CEP192: variants seen among roughly 807,000 people sequenced by gnomAD.
CEP192 encodes the protein centrosomal protein 192, also known as centrosomal protein of 192 kDa.
Under a neutral mutation model 271.8 loss-of-function variants are expected in CEP192, and 151 were observed. That is an observed-to-expected ratio of 0.56 (90% CI 0.49 to 0.64). CEP192 has a LOEUF of 0.64. Among genes scored for constraint, CEP192 ranks in the 30% least tolerant of loss-of-function variants. The pLI is 0.00. For synonymous variants in CEP192, 995 were observed against 1,076.5 expected (o/e 0.92, Z 1.48); for missense variants, 2,910 against 3,020.5 (o/e 0.96, Z 0.86).
chr18:13,115,433 G>C (rs1225552321), intron 42 of CEP192, among the ~76,000 whole-genome samples: 3 of 152,172 alleles, frequency 2.0e-5, no homozygotes, highest in Non-Finnish European at 1.5e-5. Context: ...AAAGGGGAGT[G>C]GTGGGGGGCA....
chr18:13,043,142 A>G (rs1470700056), intron 15 of CEP192, among the ~76,000 whole-genome samples: 1 of 152,236 alleles, frequency 6.6e-6, no homozygotes. Flanking sequence ...GATTACTAAT[A>G]AAGCTGGTTC....
At chr18:13,016,264 G>A (rs924087402) in intron 6 of CEP192, among the ~76,000 whole-genome samples, 1 of 152,152 alleles carries the variant, frequency 6.6e-6, no homozygotes, top group Non-Finnish European at 1.5e-5. Context: ...GGAGGAGGAG[G>A]AGGACATGTC....
intron 30 of CEP192, among the ~76,000 whole-genome samples, chr18:13,079,485 TTTG>T (rs1379348990): frequency 1.3e-5 from 2 of 152,168 alleles, no homozygotes; most frequent in African/African-American, 4.8e-5. Flanking sequence ...GATGGGGTTG[TTTG>T]TTTTTTTCTT....
At chr18:13,104,509 G>A (rs143295858) in intron 39 of CEP192, among the ~76,000 whole-genome samples, 1 of 152,276 alleles carries the variant, frequency 6.6e-6, no homozygotes, top group East Asian at 1.9e-4. Context: ...CTACTTGGGA[G>A]GCTGAGGTGG....
chr18:13,109,741 G>A (rs566100683), intron 40 of CEP192, among the ~76,000 whole-genome samples: 21 of 150,300 alleles, frequency 1.4e-4, no homozygotes, highest in Admixed American at 1.1e-3. Context: ...AATGAGAGAA[G>A]ATTAACATCT....
At chr18:13,105,203 G>T (rs1255042606) in intron 40 of CEP192, 124 bp downstream of exon 40, 2 of 708,094 alleles carry the variant, frequency 2.8e-6, no homozygotes, top group Non-Finnish European at 2.5e-6. Context: ...GTCTGCACAC[G>T]AGAGAAGAGT....
rs142611608 is a variant in CEP192, at chr18:13,115,172, A to G, written c.7289+921A>G. ...CTTGGCACACTCCCTCCAGGCTGTTATCCCTTGCTTCTCTCTTGCTCTCTG... is the reference window on the plus strand; with the variant it reads ...CTTGGCACACTCCCTCCAGGCTGTTGTCCCTTGCTTCTCTCTTGCTCTCTG... On this transcript the variant is annotated intron_variant, in intron 42 of 44. Coordinates refer to ENST00000506447, the MANE Select transcript of CEP192 (RefSeq NM_032142.4). Among the ~76,000 whole-genome samples, 1,117 of 152,298 alleles carry G rather than the reference A, an allele frequency of 7.3e-3. 12 individuals are homozygous for G. The highest frequency in any genetic ancestry group is 0.026 in the African/African-American group (1,072 of 41,562).
intron 30 of CEP192, among the ~76,000 whole-genome samples, chr18:13,084,352 G>C (rs1488818275): frequency 6.6e-6 from 1 of 152,116 alleles, no homozygotes; most frequent in East Asian, 1.9e-4. Context: ...CCCCCCGTCA[G>C]GCTACTGCCT....
At chr18:13,074,652 G>C (rs2038178877) in intron 30 of CEP192, among the ~76,000 whole-genome samples, 1 of 152,168 alleles carries the variant, frequency 6.6e-6, no homozygotes, top group African/African-American at 2.4e-5. Context: ...ATAGATGGCT[G>C]CCCTGTCCTC....
chr18:13,121,817 G>A (rs1410002949), intron 44 of CEP192, among the ~76,000 whole-genome samples: 1 of 152,220 alleles, frequency 6.6e-6, no homozygotes, highest in Non-Finnish European at 1.5e-5. Context: ...TCATTTGGGA[G>A]AGAAGGACAG....
At chr18:13,071,712 T>A (rs2038022419) in intron 28 of CEP192, among the ~76,000 whole-genome samples, 1 of 148,834 alleles carries the variant, frequency 6.7e-6, no homozygotes. Flanking sequence ...TACTGTAAAA[T>A]TGTTTGTTGT....
Position 13,063,227 on chromosome 18 carries a change from T to C in CEP192, c.4488+3915T>C, listed in dbSNP as rs1408881521. Among the ~76,000 whole-genome samples, 6 of 152,354 alleles carry C rather than the reference T, an allele frequency of 3.9e-5. No individual in the cohort carries two copies. In the East Asian group the frequency reaches 1.2e-3, roughly 29 times the overall value. On this transcript the variant is annotated intron_variant, in intron 21 of 44. Coordinates refer to ENST00000506447, the MANE Select transcript of CEP192 (RefSeq NM_032142.4). ...ACTGATTTCCTTTCTTTTGGGTATC[T>C]ACCCAGCAGTGGAATAGCTGGATCA...
chr18:13,123,510 G>A (rs2145186356), intron 44 of CEP192, among the ~76,000 whole-genome samples: 1 of 152,352 alleles, frequency 6.6e-6, no homozygotes, highest in East Asian at 1.9e-4. Flanking sequence ...GGATTTTCAG[G>A]ACAGATGCTG....
At chr18:13,097,521 T>C (rs551062118) in intron 36 of CEP192, among the ~76,000 whole-genome samples, 21 of 152,284 alleles carry the variant, frequency 1.4e-4, no homozygotes, top group Admixed American at 1.0e-3. Flanking sequence ...TTCTTCTTTA[T>C]TCTCACGTGG....
rs766049039 is a variant in CEP192, at chr18:13,069,115, T to A, written c.4989T>A (p.Ala1663=). 12 of 1,614,210 alleles carry A rather than the reference T, an allele frequency of 7.4e-6. 1 individual carries two copies. The East Asian group carries it at 2.7e-4, about 36-fold the overall frequency. ...CGATGCATTTCTTGGCCAAAGTGGC[T>A]TCCTCAAGAAAGCAGCACTTACCTT... The part of the protein sequence containing the change: ...LQTMHFLAKV[A]SSRKQHLPLK... The change falls in exon 26 of 45, where the codon GCT becomes GCA. Residue 1663 remains alanine, a synonymous_variant. Transcript: ENST00000506447.
At chr18:13,027,082 C>A (rs1042424440) in intron 9 of CEP192, among the ~76,000 whole-genome samples, 2 of 152,024 alleles carry the variant, frequency 1.3e-5, no homozygotes, top group African/African-American at 4.8e-5. Flanking sequence ...TTTAAGTGAG[C>A]CTGTGTCTTT....
At chr18:13,012,487 G>A (rs1010851305) in intron 4 of CEP192, among the ~76,000 whole-genome samples, 6 of 152,162 alleles carry the variant, frequency 3.9e-5, no homozygotes, top group Non-Finnish European at 7.3e-5. Context: ...TATTAACACA[G>A]CTAACGAGCT....
intron 9 of CEP192, among the ~76,000 whole-genome samples, chr18:13,029,216 G>A (rs946723747): frequency 6.6e-6 from 1 of 152,216 alleles, no homozygotes; most frequent in Non-Finnish European, 1.5e-5. Context: ...TACTGGACTG[G>A]CCAGGGCCAT....
chr18:13,059,407 C>A, intron 21 of CEP192, 95 bp downstream of exon 21: 2 of 928,100 alleles, frequency 2.2e-6, no homozygotes, highest in South Asian at 1.6e-5. Flanking sequence ...AATTTGTGGA[C>A]GAAGGTGCCA....
Sources: gnomAD v4.1 joint callset for allele counts (sites outside exome capture counted in the v4.1 genomes callset) on GRCh38, gnomAD v4.1.1 for gene constraint, MANE v1.5 for transcripts, NCBI Gene and HGNC (gene_info 2026-07-23, HGNC 2026-07-21) for gene names.